Variants in SCN9A observed in about 807,000 individuals in gnomAD.
The protein encoded by SCN9A is sodium channel protein type 9 subunit alpha.
Under a neutral mutation model 187.0 loss-of-function variants are expected in SCN9A, and 131 were observed. The observed-to-expected ratio is 0.70, with a 90% CI of 0.61 to 0.81. The LOEUF is 0.81. SCN9A is among the 30% of genes least tolerant of loss of function. SCN9A has a pLI of 0.00. For missense variants in SCN9A, 2,252 were observed against 2,396.6 expected (o/e 0.94, Z 1.26); for synonymous variants, 809 against 808.6 (o/e 1.00, Z -0.01).
At chr2:166,357,396 T>C (rs1700175717) in intron 1 of SCN9A, among the ~76,000 whole-genome samples, 1 of 152,202 alleles carries the variant, frequency 6.6e-6, no homozygotes, top group South Asian at 2.1e-4. Context: ...ACTCTGCTGA[T>C]CTTTAAGAAA....
chr2:166,237,162 C>T (rs1175539472), intron 20 of SCN9A, among the ~76,000 whole-genome samples: 1 of 151,084 alleles, frequency 6.6e-6, no homozygotes, highest in African/African-American at 2.4e-5. Flanking sequence ...TTAATTAATA[C>T]AAAATATGTC....
chr2:166,215,812 A>G (rs1050623356), intron 24 of SCN9A, among the ~76,000 whole-genome samples: 4 of 151,292 alleles, frequency 2.6e-5, no homozygotes, highest in African/African-American at 4.8e-5. Flanking sequence ...TCACTGGTGA[A>G]TTCTATTTAA....
chr2:166,200,899 G>A (rs933642900), intron 26 of SCN9A, among the ~76,000 whole-genome samples: 1 of 152,178 alleles, frequency 6.6e-6, no homozygotes, highest in African/African-American at 2.4e-5. Context: ...GCCTCCCAAT[G>A]TGCTGGGATT....
chr2:166,325,824 C>T (rs913874626), intron 1 of SCN9A, among the ~76,000 whole-genome samples: 4 of 152,070 alleles, frequency 2.6e-5, no homozygotes. Context: ...CAGAGCAAGA[C>T]AAAAATACAG....
At chr2:166,201,384 C>A (rs182602910) in intron 26 of SCN9A, among the ~76,000 whole-genome samples, 13 of 146,678 alleles carry the variant, frequency 8.9e-5, no homozygotes, top group Admixed American at 8.2e-4. Context: ...CTCTATATAG[C>A]ATATAGTATG....
chr2:166,324,991 G>T (rs1039230135), intron 1 of SCN9A, among the ~76,000 whole-genome samples: 1 of 152,112 alleles, frequency 6.6e-6, no homozygotes, highest in Non-Finnish European at 1.5e-5. Context: ...GTATCACATG[G>T]TTTTGTTAAT....
intron 8 of SCN9A, among the ~76,000 whole-genome samples, chr2:166,293,870 C>A (rs979081765): frequency 3.9e-5 from 6 of 152,140 alleles, no homozygotes; most frequent in Non-Finnish European, 7.4e-5. Context: ...AAATGTGCAG[C>A]TTTAAGACTT....
At chr2:166,303,329 T>C (rs1309602316) in intron 6 of SCN9A, 27 bp from the exon 7 acceptor site, 6 of 1,578,864 alleles carry the variant, frequency 3.8e-6, no homozygotes, top group Non-Finnish European at 4.3e-6. Context: ...AAAGTGTTTG[T>C]AATGACATAA....
At chr2:166,235,238 G>T (rs1695262803) in intron 20 of SCN9A, among the ~76,000 whole-genome samples, 3 of 152,134 alleles carry the variant, frequency 2.0e-5, no homozygotes, top group Admixed American at 2.0e-4. Flanking sequence ...CCAAGCCACT[G>T]TTAAGTGAGT....
At chr2:166,344,049 C>T (rs1699846948) in intron 1 of SCN9A, among the ~76,000 whole-genome samples, 1 of 152,094 alleles carries the variant, frequency 6.6e-6, no homozygotes, top group African/African-American at 2.4e-5. Flanking sequence ...AGTACATATG[C>T]CTTTCTATGG....
In SCN9A at chr2:166,219,849, G is replaced by A. The variant is rs572448579; in HGVS notation, c.4398+6718C>T. Among the ~76,000 whole-genome samples, 86 of 152,206 alleles carry A rather than the reference G, an allele frequency of 5.7e-4. 3 individuals carry two copies. In the South Asian group the frequency reaches 0.018, roughly 31 times the overall value. ...AAAATGATAAGTGGGTGAAGTGATGGTTATGTTAATTAGCGTGACTGAAAA... is the reference window on the plus strand; with the variant it reads ...AAAATGATAAGTGGGTGAAGTGATGATTATGTTAATTAGCGTGACTGAAAA... On this transcript the variant is annotated intron_variant, in intron 24 of 26. Transcript: ENST00000642356.
chr2:166,292,534 A>T (rs960297423), intron 9 of SCN9A, among the ~76,000 whole-genome samples: 1 of 152,072 alleles, frequency 6.6e-6, no homozygotes, highest in African/African-American at 2.4e-5. Context: ...AGAAAAAAAA[A>T]CAGATCTGCA....
Position 166,370,326 on chromosome 2 carries a change from T to A in SCN9A, c.-51+5371A>T, listed in dbSNP as rs576455029. Among the ~76,000 whole-genome samples the A allele has an allele frequency of 2.0e-5, 3 of 150,890 alleles. No homozygotes were observed. The East Asian group carries it at 5.9e-4, about 30-fold the overall frequency. The stretch of plus-strand genomic sequence containing the variant: ...TGGGAGGTCGAGGCGGGCGGATCAC[T>A]AGGTCAGGAGATTGAGACCATCCTG... On this transcript the variant is annotated intron_variant, in intron 1 of 26. Transcript: ENST00000642356.
At chr2:166,256,192 A>G (rs1696266822) in intron 17 of SCN9A, among the ~76,000 whole-genome samples, 1 of 151,332 alleles carries the variant, frequency 6.6e-6, no homozygotes, top group African/African-American at 2.4e-5. Flanking sequence ...TTCCTTCTGG[A>G]GAAATGTGAA....
At chr2:166,308,925 C>CAA (rs397986566) in intron 2 of SCN9A, among the ~76,000 whole-genome samples, 4,262 of 77,938 alleles carry the variant, frequency 0.055, 360 homozygotes, top group African/African-American at 0.084. Flanking sequence ...GACTCTGTCT[C>CAA]AAAAAAAAAA....
At chr2:166,294,485 A>G (rs760808665) in intron 8 of SCN9A, 114 bp downstream of exon 8, 15 of 693,812 alleles carry the variant, frequency 2.2e-5, no homozygotes, top group Non-Finnish European at 3.4e-5. Flanking sequence ...GTCAAATAAT[A>G]CCATGAAATA....
chr2:166,288,120 T>TATATACACACACACAC (rs56738765), intron 10 of SCN9A, among the ~76,000 whole-genome samples: 18 of 135,560 alleles, frequency 1.3e-4, no homozygotes, highest in African/African-American at 4.7e-4. Flanking sequence ...TATATATATA[T>TATATACACACACACAC]ACACACACAT....
rs1313767482 is a variant in SCN9A, at chr2:166,286,397, A to T, written c.1541T>A (p.Phe514Tyr). ...CCTATGCCCTTCGACACCAAGGTGG[A>T]AACTTTTTCTTCTGATGCTGTCCTC... ...ESEDSIRRKS[F>Y]HLGVEGHRRA... is the part of the protein sequence containing the mutation. Residue 514 changes from phenylalanine to tyrosine, a missense_variant, in exon 11 of 27, where the codon TTC becomes TAC. By Grantham distance (22) the Phe-to-Tyr change is conservative (BLOSUM62 3). This residue lies in a region of SCN9A where 1,013 missense variants were observed against 997.4 expected (regional missense o/e 1.02). Transcript: ENST00000642356. The T allele has an allele frequency of 6.2e-7, 1 of 1,613,824 alleles. No homozygotes were observed. The highest frequency in any genetic ancestry group is 8.5e-7 in the Non-Finnish European group (1 of 1,179,800).
At chr2:166,343,394 A>C (rs988745326) in intron 1 of SCN9A, among the ~76,000 whole-genome samples, 2 of 152,198 alleles carry the variant, frequency 1.3e-5, no homozygotes, top group African/African-American at 4.8e-5. Context: ...CTTTTCTGGG[A>C]AAAAGAAAAA....
Sources: gnomAD v4.1 joint callset for allele counts (sites outside exome capture counted in the v4.1 genomes callset) on GRCh38, gnomAD v4.1.1 for gene constraint, gnomAD v4.1.1 regional missense constraint, MANE v1.5 for transcripts, NCBI Gene and HGNC (gene_info 2026-07-23, HGNC 2026-07-21) for gene names.